The following MTG1 variants were observed in gnomAD, a reference collection of about 807,000 sequenced individuals.
MTG1 encodes mitochondrial ribosome-associated GTPase 1.
Under a neutral mutation model 39.5 loss-of-function variants are expected in MTG1, and 30 were observed. The observed-to-expected ratio is 0.76, with a 90% confidence interval of 0.57 to 1.03. The LOEUF is 1.03. Ranked by LOEUF, MTG1 falls within the 50% of genes least tolerant of loss-of-function variation. MTG1 has a pLI of 0.00. For synonymous variants in MTG1, 217 were observed against 179.0 expected (o/e 1.21, Z -1.69); for missense variants, 513 against 447.4 (o/e 1.15, Z -1.32).
intron 10 of MTG1, 129 bp downstream of exon 10, chr10:133,419,721 G>A: frequency 2.5e-6 from 2 of 803,604 alleles, no homozygotes; most frequent in Non-Finnish European, 4.0e-6. Flanking sequence ...CTGGGAATGG[G>A]TTTCAGGGCA....
At chr10:133,417,809 A>C (rs563461932) in intron 9 of MTG1, among the ~76,000 whole-genome samples, 2,984 of 152,300 alleles carry the variant, frequency 0.02, 99 homozygotes, top group African/African-American at 0.068. Flanking sequence ...TAGGAATCCA[A>C]CTTACAAGGG....
intron 9 of MTG1, among the ~76,000 whole-genome samples, chr10:133,417,946 T>C (rs1050097457): frequency 1.3e-5 from 2 of 152,244 alleles, no homozygotes; most frequent in African/African-American, 4.8e-5. Context: ...ATGGCCATAC[T>C]GCCCAAGGTA....
At position 133,402,124 on chromosome 10, in the gene MTG1, G is replaced by A; in HGVS notation, c.574-25G>A. On this transcript the variant is annotated intron_variant, in intron 7 of 10. Transcript: ENST00000317502. This position sits in a 1 kb window ranked among gnomAD's most constrained non-coding sequence, Gnocchi z 4.7. ...GGGTGGGAGGCTGCCACCGCGGCCT[G>A]ATCATGCCCTCTGTGCCCACACAGG... is the stretch of plus-strand genomic sequence containing the variant. 6.2e-7 allele frequency: 1 copy of A among 1,613,782 alleles called. No homozygotes were observed.
intron 9 of MTG1, among the ~76,000 whole-genome samples, chr10:133,405,044 C>T (rs1247703871): frequency 2.0e-5 from 3 of 152,168 alleles, no homozygotes. Flanking sequence ...TTGTCAGTTT[C>T]TACAAAAATC....
At chr10:133,409,625 C>G (rs1189806764) in intron 9 of MTG1, among the ~76,000 whole-genome samples, 1 of 152,064 alleles carries the variant, frequency 6.6e-6, no homozygotes, top group African/African-American at 2.4e-5. Flanking sequence ...GTGTTGAAGC[C>G]CCCTACTATT....
rs202025549 is a variant in MTG1, at chr10:133,420,127, G to A, written c.967G>A (p.Val323Ile). 7 of 1,612,992 alleles carry A rather than the reference G, an allele frequency of 4.3e-6. No homozygotes were observed. Among genetic ancestry groups the A allele is most frequent in the African/African-American group, 4.0e-5 (3 of 75,042 alleles). Residue 323 changes from valine (V) to isoleucine (I), a missense_variant, in exon 11 of 11, where the codon GTC (valine) becomes ATC (isoleucine). Val to Ile is a conservative substitution (Grantham distance 29). Coordinates refer to ENST00000317502, the MANE Select transcript of MTG1 (RefSeq NM_138384.4). ...LLGSVMLDLD[V>I]LRGHPPAETL... ...GGGTTCCGTGATGCTGGACCTCGAC[G>A]TCCTGCGGGGCCACCCCCCGGCTGA... is the stretch of plus-strand genomic sequence containing the variant.
rs1374369845 is a variant in MTG1, at chr10:133,402,236, G to C, written c.661G>C (p.Ala221Pro). 1 of 1,611,350 alleles carries C rather than the reference G, an allele frequency of 6.2e-7. No homozygotes were observed. The highest frequency in any genetic ancestry group is 8.5e-7 in the Non-Finnish European group (1 of 1,179,612). The change falls in exon 8 of 11, where the codon GCC becomes CCC. Residue 221 changes from alanine to proline, a missense_variant. Transcript: ENST00000317502. This position sits in a 1 kb window ranked among gnomAD's most constrained non-coding sequence, Gnocchi z 4.7. ...AAGTGTGGAGACAGGCCTGAAGCTGGCCCTGTGTGGTGAGCCGGGGCTGGG... is the reference window on the plus strand; with the variant it reads ...AAGTGTGGAGACAGGCCTGAAGCTGCCCCTGTGTGGTGAGCCGGGGCTGGG... ...IESVETGLKL[A>P]LCGTVLDHLV... is the part of the protein sequence containing the mutation.
intron 9 of MTG1, among the ~76,000 whole-genome samples, chr10:133,415,069 G>A (rs1321913724): frequency 3.3e-5 from 5 of 152,250 alleles, no homozygotes; most frequent in Admixed American, 3.3e-4. Flanking sequence ...GGCAGGCTGA[G>A]GCAGGAGAAT....
chr10:133,402,226 C>T lies in MTG1; in HGVS notation c.651C>T (p.Gly217=). The part of the protein sequence containing the change: ...LAPRIESVET[G]LKLALCGTVL... ...CTCGGATTGAAAGTGTGGAGACAGG[C>T]CTGAAGCTGGCCCTGTGTGGTGAGC... The change falls in exon 8 of 11, where the codon GGC becomes GGT. Residue 217 remains glycine (G), a synonymous_variant. Transcript: ENST00000317502. The surrounding 1 kb of genome is among the most constrained non-coding windows in gnomAD (Gnocchi z 4.7). 1.2e-6 allele frequency: 2 copies of T among 1,613,270 alleles called. No homozygotes were observed. Among genetic ancestry groups the T allele is most frequent in the Middle Eastern group, 1.7e-4 (1 of 6,054 alleles).
chr10:133,404,800 C>T (rs1849946070), intron 9 of MTG1, among the ~76,000 whole-genome samples: 2 of 152,138 alleles, frequency 1.3e-5, no homozygotes, highest in African/African-American at 4.8e-5. Context: ...CAAAGACTGT[C>T]TTTTCTCCAC....
At chr10:133,399,333 G>T (rs553544123) in intron 5 of MTG1, 107 bp downstream of exon 5, 626 of 1,383,284 alleles carry the variant, frequency 4.5e-4, no homozygotes, top group Non-Finnish European at 6.0e-4. Flanking sequence ...AGGCAGGGAG[G>T]CCCCTCCTTT....
intron 6 of MTG1, among the ~76,000 whole-genome samples, chr10:133,400,153 C>T (rs1392156391): frequency 6.6e-6 from 1 of 151,904 alleles, no homozygotes; most frequent in Non-Finnish European, 1.5e-5. Flanking sequence ...GATTGTGCCA[C>T]TGCGTTCCAG....
chr10:133,406,347 A>G (rs747629858), intron 9 of MTG1, among the ~76,000 whole-genome samples: 1 of 152,212 alleles, frequency 6.6e-6, no homozygotes, highest in African/African-American at 2.4e-5. Flanking sequence ...GGCTGAGTGC[A>G]GTGGTGCGAT....
rs1355236717 is a variant in MTG1, at chr10:133,402,288, C to T, written c.670+43C>T. On this transcript the variant is annotated intron_variant, in intron 8 of 10. Transcript: ENST00000317502. This position sits in a 1 kb window ranked among gnomAD's most constrained non-coding sequence, Gnocchi z 4.7. ...CTGGGGCTGGGGCTGGGACCGGGGC[C>T]CCTGCCACCCCACCTTTAGGGCTGG... is the stretch of plus-strand genomic sequence containing the variant. The T allele has an allele frequency of 6.2e-7, 1 of 1,609,834 alleles. No individual in the cohort carries two copies. The highest frequency in any genetic ancestry group is 8.5e-7 in the Non-Finnish European group (1 of 1,177,916).
intron 6 of MTG1, among the ~76,000 whole-genome samples, chr10:133,400,998 C>G (rs963843373): frequency 2.6e-5 from 4 of 152,216 alleles, no homozygotes; most frequent in Non-Finnish European, 5.9e-5. Context: ...TGGATGGACA[C>G]TTGTGTTTTT....
chr10:133,409,144 G>A (rs1850009471), intron 9 of MTG1, among the ~76,000 whole-genome samples: 1 of 151,406 alleles, frequency 6.6e-6, no homozygotes, highest in African/African-American at 2.4e-5. Flanking sequence ...GTTATTTGGA[G>A]TCTTCTGCTT....
chr10:133,411,389 T>C (rs1850044194), intron 9 of MTG1, among the ~76,000 whole-genome samples: 1 of 152,236 alleles, frequency 6.6e-6, no homozygotes, highest in Admixed American at 6.5e-5. Flanking sequence ...TCCTTGACTT[T>C]TGAGAGTTTG....
At chr10:133,394,800 T>C in intron 1 of MTG1, 1 of 950,118 alleles carries the variant, frequency 1.1e-6, no homozygotes, top group Non-Finnish European at 1.3e-6. Context: ...TTGGTAATTC[T>C]TACTGTTTGT....
At chr10:133,401,927 C>T in intron 7 of MTG1, 1 of 596,716 alleles carries the variant, frequency 1.7e-6, no homozygotes, top group Non-Finnish European at 3.0e-6. Context: ...GAGCAGAAGA[C>T]AAGCTGTTGG....
Sources: allele counts gnomAD v4.1 joint callset (sites outside exome capture counted in the v4.1 genomes callset), GRCh38; gene constraint gnomAD v4.1.1; non-coding constraint Gnocchi (gnomAD v3.1); transcripts MANE v1.5; gene names NCBI Gene and HGNC (gene_info 2026-07-23, HGNC 2026-07-21).